Variants in SASH1 observed in about 807,000 individuals in gnomAD.
SASH1 encodes SAM and SH3 domain-containing protein 1.
A neutral mutation model predicts 125.2 loss-of-function variants in SASH1; 44 were observed. The ratio of observed to expected loss-of-function variants is 0.35; its 90% CI spans 0.28 to 0.45. The LOEUF is 0.45. Ranked by LOEUF, SASH1 falls within the 20% of genes least tolerant of loss-of-function variation. SASH1 has a pLI of 1.00. For synonymous variants in SASH1, 639 were observed against 649.1 expected, an observed-to-expected ratio of 0.98 and a Z score of 0.24; for missense variants, 1,426 against 1,614.5, an observed-to-expected ratio of 0.88 and a Z score of 2.00.
At chr6:148,271,190 G>T (rs977010198), upstream of SASH1, among the ~76,000 whole-genome samples, 1 of 152,110 alleles carries the variant, frequency 6.6e-6, no homozygotes, top group Non-Finnish European at 1.5e-5. Context: ...GATTACAGGT[G>T]TGAGCCACCG....
At chr6:148,459,455 G>T (rs904515517) in intron 4 of SASH1, among the ~76,000 whole-genome samples, 2 of 152,214 alleles carry the variant, frequency 1.3e-5, no homozygotes, top group Admixed American at 1.3e-4. Context: ...TTAAGTTTCT[G>T]CCAGTGACCC....
chr6:148,462,030 C>G (rs1562431323), intron 4 of SASH1, among the ~76,000 whole-genome samples: 1 of 149,240 alleles, frequency 6.7e-6, no homozygotes, highest in African/African-American at 2.5e-5. Flanking sequence ...ATGTGTCAGG[C>G]TTTTTTTTTT....
At chr6:148,410,817 A>C (rs2114907513) in intron 2 of SASH1, among the ~76,000 whole-genome samples, 1 of 152,288 alleles carries the variant, frequency 6.6e-6, no homozygotes, top group Middle Eastern at 3.4e-3. Flanking sequence ...GTAGTGCCAC[A>C]GGCTACCCAG....
chr6:148,390,212 G>A lies in SASH1; in HGVS notation c.235G>A (p.Glu79Lys), dbSNP rs547043859. 14 of 1,613,098 alleles carry A rather than the reference G, an allele frequency of 8.7e-6. No individual in the cohort carries two copies. Among genetic ancestry groups the A allele is most frequent in the Admixed American group, 3.3e-5 (2 of 59,990 alleles). Residue 79 changes from glutamate to lysine, a missense_variant, in exon 2 of 20, where the codon GAG becomes AAG. Around this residue, in one of 3 missense-constraint regions of SASH1, gnomAD observed 567 missense variants for 575.6 expected, o/e 0.99. Transcript: ENST00000367467. ...CAACACCTGTTTCTCCGACGTGTGC[G>A]AGAGGATGGAGGAGCTGCGGAAACG... ...YYNTCFSDVC[E>K]RMEELRKRRV...
At chr6:148,265,642 C>T in the SASH1 span, among the ~76,000 whole-genome samples, 1 of 152,140 alleles carries the variant, frequency 6.6e-6, no homozygotes, top group Non-Finnish European at 1.5e-5. Context: ...ATTAATGTTC[C>T]AACTTGGCCT....
chr6:148,512,465 G>T (rs945515713), intron 8 of SASH1: 2 of 985,042 alleles, frequency 2.0e-6, no homozygotes, highest in Non-Finnish European at 2.4e-6. Context: ...ATGAACTGTG[G>T]GTTTTTCAGG....
chr6:148,531,554 C>G lies in SASH1; in HGVS notation c.1457C>G (p.Ser486Cys). Reference protein sequence around the residue: ...QDSGLDGMPGSPPPSQPDPEH... With the variant: ...QDSGLDGMPGCPPPSQPDPEH... ...TCGGGCCTTGATGGAATGCCTGGCT[C>G]CCCTCCGCCTTCACAGCCCGACCCC... The change falls in exon 13 of 20, where the codon TCC becomes TGC. Residue 486 changes from serine (S) to cysteine (C), a missense_variant. Coordinates refer to ENST00000367467, the MANE Select transcript of SASH1 (RefSeq NM_015278.5). 7 of 1,559,738 alleles carry G rather than the reference C, an allele frequency of 4.5e-6. No homozygotes were observed. Among genetic ancestry groups the G allele is most frequent in the Non-Finnish European group, 6.1e-6 (7 of 1,151,552 alleles).
rs1782066531 is a variant in SASH1 at position 148,539,137 on chromosome 6, AAAT to A, written c.2096-1302_2096-1300del. 7.9e-5 allele frequency among the ~76,000 whole-genome samples: 12 copies of A among 151,774 alleles called. 1 individual carries two copies. The South Asian group carries it at 2.5e-3, about 32-fold the overall frequency. On this transcript the variant is annotated intron_variant, in intron 16 of 19. Transcript: ENST00000367467. ...CCAGCTTTGTTGAGGCACAGTTGAC[AAAT>A]AATGATGCTTCTCTTTAAAAGCCTT...
At chr6:148,439,207 C>T (rs6900286) in intron 2 of SASH1, among the ~76,000 whole-genome samples, 130,693 of 152,192 alleles carry the variant, frequency 0.86, 56,244 homozygotes, top group South Asian at 0.93. Flanking sequence ...GGTGTTACAC[C>T]ATATGGTTTT....
chr6:148,506,871 T>A (rs112315252), intron 8 of SASH1, among the ~76,000 whole-genome samples: 109 of 152,320 alleles, frequency 7.2e-4, no homozygotes, highest in African/African-American at 2.6e-3. Context: ...GGTAGGGTAG[T>A]GGCACAGGAG....
intron 1 of SASH1, among the ~76,000 whole-genome samples, chr6:148,294,189 A>G (rs1262201818): frequency 6.6e-6 from 1 of 152,234 alleles, no homozygotes; most frequent in African/African-American, 2.4e-5. Context: ...ATTCGGGTCC[A>G]TGGCCACAAG....
intron 8 of SASH1, among the ~76,000 whole-genome samples, chr6:148,504,053 A>G (rs1173917288): frequency 6.6e-6 from 1 of 152,242 alleles, no homozygotes; most frequent in Non-Finnish European, 1.5e-5. Context: ...GGGCTAGGGA[A>G]TCTAGCAATG....
At chr6:148,261,041 G>A in the SASH1 span, among the ~76,000 whole-genome samples, 2 of 152,114 alleles carry the variant, frequency 1.3e-5, no homozygotes, top group African/African-American at 4.8e-5. Flanking sequence ...CTGACCTCAG[G>A]TGATCTGCCA....
In SASH1 at chr6:148,551,046, G is replaced by T. The variant is rs1302435031; in HGVS notation, c.*2488G>T. The T allele has an allele frequency of 6.6e-6, 1 of 152,562 alleles. No homozygotes were observed. The highest frequency in any genetic ancestry group is 1.5e-5 in the Non-Finnish European group (1 of 68,026). 9.5% of individuals were successfully genotyped at this position (152,562 alleles called of 1,614,324 possible). A position where few individuals can be genotyped will look rare whatever the true frequency, so the allele number is the denominator to read the frequency against. ...CCTTTGCATAGAAAATCAAATTCAG[G>T]GACCACAAAGAATTTTCAGTGGGAA... On this transcript the variant is annotated 3_prime_UTR_variant, in exon 20 of 20. Transcript: ENST00000367467.
At chr6:148,445,612 T>C (rs576493343) in intron 4 of SASH1, among the ~76,000 whole-genome samples, 21 of 152,300 alleles carry the variant, frequency 1.4e-4, no homozygotes, top group African/African-American at 4.6e-4. Flanking sequence ...GAAACCCAGA[T>C]GGCTGGACTG....
chr6:148,387,561 C>CTT (rs1327183301), intron 1 of SASH1, among the ~76,000 whole-genome samples: 2 of 118,740 alleles, frequency 1.7e-5, no homozygotes, highest in African/African-American at 3.2e-5. Flanking sequence ...TCCTTTCTTT[C>CTT]TTTTCTCTTT....
At chr6:148,346,250 A>AG (rs778265612) in intron 1 of SASH1, among the ~76,000 whole-genome samples, 6 of 152,182 alleles carry the variant, frequency 3.9e-5, no homozygotes, top group Non-Finnish European at 8.8e-5. Context: ...CATGGATCTC[A>AG]GTAAATACAG....
intron 1 of SASH1, among the ~76,000 whole-genome samples, chr6:148,300,305 ACTTTCCT>A (rs1307912685): frequency 6.6e-6 from 1 of 152,036 alleles, no homozygotes; most frequent in East Asian, 1.9e-4. Context: ...ATCCACTCTG[ACTTTCCT>A]GTGCCCATCG....
intron 4 of SASH1, among the ~76,000 whole-genome samples, chr6:148,447,312 G>A (rs752236861): frequency 1.1e-4 from 17 of 152,196 alleles, no homozygotes; most frequent in Non-Finnish European, 1.6e-4. Context: ...GGCCAATAGA[G>A]CAGTGTTCTG....
Sources: allele counts gnomAD v4.1 joint callset (sites outside exome capture counted in the v4.1 genomes callset), GRCh38; gene constraint gnomAD v4.1.1; regional missense constraint gnomAD v4.1.1; transcripts MANE v1.5; gene names NCBI Gene and HGNC (gene_info 2026-07-23, HGNC 2026-07-21).